Variants in ST6GALNAC1 observed in about 807,000 individuals in gnomAD.
ST6GALNAC1 encodes the protein alpha-N-acetylgalactosaminide alpha-2,6-sialyltransferase 1.
ST6GALNAC1 carries 45 observed loss-of-function variants against 56.8 expected under a neutral mutation model. The observed-to-expected ratio is 0.79, with a 90% CI of 0.62 to 1.02. The LOEUF is 1.02. Among genes scored for constraint, ST6GALNAC1 ranks in the 50% least tolerant of loss-of-function variants. The pLI is 0.00. For synonymous variants in ST6GALNAC1, 295 were observed against 297.8 expected (o/e 0.99, Z 0.10); for missense variants, 743 against 754.8 (o/e 0.98, Z 0.18).
intron 2 of ST6GALNAC1, among the ~76,000 whole-genome samples, chr17:76,628,618 G>A (rs1260461909): frequency 1.3e-5 from 2 of 152,084 alleles, no homozygotes; most frequent in African/African-American, 4.8e-5. Flanking sequence ...AGGTTGGGGT[G>A]TCCTTGTCTG....
chr17:76,627,455 G>C lies in ST6GALNAC1; in HGVS notation c.960C>G (p.His320Gln). The stretch of plus-strand genomic sequence containing the variant: ...CCATGAAGCCAAAGGGTGGTGCAAA[G>C]TGTTCCAGGCGGTCCCACTCACTCT... ...FNQSEWDRLE[H>Q]FAPPFGFMEL... is the part of the protein sequence containing the mutation. Residue 320 changes from histidine (H) to glutamine (Q), a missense_variant, in exon 3 of 9, where the codon CAC becomes CAG. His to Gln is a conservative substitution (Grantham distance 24). Coordinates refer to ENST00000156626, the MANE Select transcript of ST6GALNAC1 (RefSeq NM_018414.5). The surrounding 1 kb of genome is among the most constrained non-coding windows in gnomAD (Gnocchi z 4.4). 2 of 1,614,226 alleles carry C rather than the reference G, an allele frequency of 1.2e-6. No individual in the cohort carries two copies. The highest frequency in any genetic ancestry group is 1.7e-6 in the Non-Finnish European group (2 of 1,180,046).
At chr17:76,636,181 C>A (rs956216611) in intron 1 of ST6GALNAC1, among the ~76,000 whole-genome samples, 5 of 152,162 alleles carry the variant, frequency 3.3e-5, no homozygotes, top group Non-Finnish European at 7.3e-5. Context: ...CTTTTCTACG[C>A]CTGTCATGCT....
In ST6GALNAC1 at chr17:76,625,825, A is replaced by G. The variant is rs961714611; in HGVS notation, c.1599T>C (p.Cys533=). The part of the protein sequence containing the change: ...ALLLLTALQL[C]DQVSAYGFIT... ...AGCTGCAGTGGAGCCTTACCTGGTCACAGAGCTGAAGGGCAGTGAGCAGCA... is the reference window on the plus strand; with the variant it reads ...AGCTGCAGTGGAGCCTTACCTGGTCGCAGAGCTGAAGGGCAGTGAGCAGCA... Residue 533 remains cysteine, a synonymous_variant, in exon 8 of 9, where the codon TGT becomes TGC. Coordinates refer to ENST00000156626, the MANE Select transcript of ST6GALNAC1 (RefSeq NM_018414.5). The G allele has an allele frequency of 6.5e-7, 1 of 1,533,008 alleles. No individual in the cohort carries two copies. The highest frequency in any genetic ancestry group is 1.4e-5 in the African/African-American group (1 of 71,902). The allele number at this position is 1,533,008 out of a possible 1,614,324, so 95.0% of individuals were successfully genotyped here. A position where few individuals can be genotyped will look rare whatever the true frequency, so the allele number is the denominator to read the frequency against.
At chr17:76,619,768 CAG>C (rs2075722417), downstream of ST6GALNAC1, among the ~76,000 whole-genome samples, 1 of 97,814 alleles carries the variant, frequency 1.0e-5, no homozygotes, top group South Asian at 3.5e-4. Context: ...TTTTTTTAGG[CAG>C]AGTCTCACTC....
At chr17:76,638,881 C>CAG (rs34239838) in intron 1 of ST6GALNAC1, among the ~76,000 whole-genome samples, 42,721 of 152,024 alleles carry the variant, frequency 0.28, 6,862 homozygotes, top group African/African-American at 0.45. Context: ...TGCCTGGCCT[C>CAG]AGAATTGTCT....
chr17:76,643,508 C>T lies in ST6GALNAC1; in HGVS notation c.131G>A (p.Arg44Lys), dbSNP rs542953675. 16 of 1,613,846 alleles carry T rather than the reference C, an allele frequency of 9.9e-6. No homozygotes were observed. The African/African-American group carries it at 1.9e-4, about 19-fold the overall frequency. ...FIKEPQTKPS[R>K]HQRTENIKER... The stretch of plus-strand genomic sequence containing the variant: ...GGAGTGGAAAGGACAAGAATCTTAC[C>T]TGGAAGGCTTTGTTTGAGGCTCCTT... The change falls in exon 1 of 9, where the codon AGG becomes AAG. Residue 44 changes from arginine (R) to lysine (K), a missense_variant and splice_region_variant. Coordinates refer to ENST00000156626, the MANE Select transcript of ST6GALNAC1 (RefSeq NM_018414.5).
rs543905566 is a variant in ST6GALNAC1, at chr17:76,635,509, C to T, written c.132-5798G>A. Among the ~76,000 whole-genome samples the T allele has an allele frequency of 1.8e-4, 28 of 152,170 alleles. 1 individual carries two copies. The South Asian group carries it at 4.4e-3, about 24-fold the overall frequency. ...ACAAACGGCTGGGTGTGGTGGTGCACGCCTGTAATCCCAGCTACTCTGGAG... is the reference window on the plus strand; with the variant it reads ...ACAAACGGCTGGGTGTGGTGGTGCATGCCTGTAATCCCAGCTACTCTGGAG... On this transcript the variant is annotated intron_variant, in intron 1 of 8. Coordinates refer to ENST00000156626, the MANE Select transcript of ST6GALNAC1 (RefSeq NM_018414.5).
At chr17:76,634,072 CT>C (rs1280267821) in intron 1 of ST6GALNAC1, among the ~76,000 whole-genome samples, 9 of 152,188 alleles carry the variant, frequency 5.9e-5, no homozygotes, top group Non-Finnish European at 1.3e-4. Context: ...GAAAAGACTC[CT>C]TTGATTCGCT....
intron 1 of ST6GALNAC1, among the ~76,000 whole-genome samples, chr17:76,636,660 GC>G (rs1480541734): frequency 6.8e-6 from 1 of 146,982 alleles, no homozygotes; most frequent in Non-Finnish European, 1.5e-5. Context: ...GGTGGGGGTA[GC>G]CCCCACCCAG....
Position 76,643,689 on chromosome 17 carries a change from T to C in ST6GALNAC1, c.-51A>G. ...GGTTCTGCATGTCCTGGGGCCTTGA[T>C]GTAGGCAGCTGGGAGTCTCACCGCT... On this transcript the variant is annotated 5_prime_UTR_variant, in exon 1 of 9. Transcript: ENST00000156626. The C allele has an allele frequency of 6.3e-7, 1 of 1,593,378 alleles. No individual in the cohort carries two copies. Among genetic ancestry groups the C allele is most frequent in the Non-Finnish European group, 8.6e-7 (1 of 1,167,144 alleles).
rs1411331542 is a variant in ST6GALNAC1, at chr17:76,625,295, A to C, written c.*35T>G. ...ATTCCCACTGTATCCTGTGCCTTGG[A>C]GCAGGCAAGGAGACCATGGCAGCCC... On this transcript the variant is annotated 3_prime_UTR_variant, in exon 9 of 9. Transcript: ENST00000156626. 1 of 1,599,212 alleles carries C rather than the reference A, an allele frequency of 6.3e-7. No individual in the cohort carries two copies. The highest frequency in any genetic ancestry group is 2.2e-4 in the Middle Eastern group (1 of 4,612).
Position 76,629,714 on chromosome 17 carries a change from A to G in ST6GALNAC1, c.132-3T>C, listed in dbSNP as rs199905221. 15 of 1,608,130 alleles carry G rather than the reference A, an allele frequency of 9.3e-6. No individual in the cohort carries two copies. Among genetic ancestry groups the G allele is most frequent in the Middle Eastern group, 1.7e-4 (1 of 6,048 alleles). ...TAATGTTCTCTGTGCGTTGATGCCT[A>G]GGGACAGAGATAACCTTTGATGAAG... On this transcript the variant is annotated splice_polypyrimidine_tract_variant and splice_region_variant and intron_variant, in intron 1 of 8. Transcript: ENST00000156626.
chr17:76,625,697 G>T, intron 8 of ST6GALNAC1, 122 bp downstream of exon 8: 2 of 1,147,264 alleles, frequency 1.7e-6, no homozygotes, highest in East Asian at 2.6e-5. Context: ...CCATACTCAT[G>T]CCCACCCTCT....
downstream of ST6GALNAC1, among the ~76,000 whole-genome samples, chr17:76,623,195 G>T (rs148025124): frequency 2.0e-5 from 3 of 152,164 alleles, no homozygotes; most frequent in Non-Finnish European, 4.4e-5. Context: ...TCTATTTCTG[G>T]ACCTTCTGTT....
downstream of ST6GALNAC1, among the ~76,000 whole-genome samples, chr17:76,621,436 C>T (rs1195273424): frequency 6.6e-6 from 1 of 151,734 alleles, no homozygotes; most frequent in African/African-American, 2.4e-5. Flanking sequence ...CTGCCTTGGC[C>T]TCCCAAAGTG....
downstream of ST6GALNAC1, among the ~76,000 whole-genome samples, chr17:76,621,182 C>CCTTTTTTTTTTTTTTTTTTT (rs1555633321): frequency 9.5e-6 from 1 of 105,326 alleles, no homozygotes; most frequent in African/African-American, 3.5e-5. Flanking sequence ...TTCTTTCTTT[C>CCTTTTTTTTTTTTTTTTTTT]TTTCTTTTTT....
intron 1 of ST6GALNAC1, among the ~76,000 whole-genome samples, chr17:76,630,254 T>TA (rs1208129543): frequency 1.3e-5 from 2 of 152,194 alleles, no homozygotes; most frequent in African/African-American, 4.8e-5. Flanking sequence ...ACCTATGTGA[T>TA]ACACGATTAT....
chr17:76,639,194 G>A (rs1212054886), intron 1 of ST6GALNAC1, among the ~76,000 whole-genome samples: 1 of 152,128 alleles, frequency 6.6e-6, no homozygotes, highest in Non-Finnish European at 1.5e-5. Flanking sequence ...TTTTTAAGGT[G>A]ACAAATTCAT....
Position 76,627,084 on chromosome 17 carries a change from A to T in ST6GALNAC1, c.1155T>A (p.Ser385Arg). The stretch of plus-strand genomic sequence containing the variant: ...CAGCTTACCGGAACACGTAGTCGTG[A>T]CTGTCTATCTCCTGGCCCATGTGGG... ...NNSHMGQEID[S>R]HDYVFRLSGA... The change falls in exon 4 of 9, where the codon AGT becomes AGA. Residue 385 changes from serine (S) to arginine (R), a missense_variant. Physicochemically the swap from Ser to Arg is moderately radical, Grantham distance 110 (BLOSUM62 -1). Transcript: ENST00000156626. The surrounding 1 kb of genome is among the most constrained non-coding windows in gnomAD (Gnocchi z 4.4). 6.4e-7 allele frequency: 1 copy of T among 1,558,664 alleles called. No individual in the cohort carries two copies. The highest frequency in any genetic ancestry group is 8.7e-7 in the Non-Finnish European group (1 of 1,152,704).
Sources: gnomAD v4.1 joint callset for allele counts (sites outside exome capture counted in the v4.1 genomes callset) on GRCh38, gnomAD v4.1.1 for gene constraint, Gnocchi (gnomAD v3.1) non-coding constraint, MANE v1.5 for transcripts, NCBI Gene and HGNC (gene_info 2026-07-23, HGNC 2026-07-21) for gene names.